ROBO2: variants seen among roughly 807,000 people sequenced by gnomAD.
The protein encoded by ROBO2 is roundabout homolog 2.
In ROBO2, 53 loss-of-function variants were observed where a neutral mutation model predicts 160.8. The observed-to-expected ratio is 0.33, with a 90% CI of 0.26 to 0.41. The LOEUF (loss-of-function observed/expected upper bound fraction) is 0.41, where lower values mean the gene tolerates loss of function less well. ROBO2 is among the 10% of genes least tolerant of loss of function. The pLI is 1.00. For missense variants in ROBO2, 1,577 were observed against 1,722.4 expected, an observed-to-expected ratio of 0.92 and a Z score of 1.49; for synonymous variants, 664 against 611.7, an observed-to-expected ratio of 1.09 and a Z score of -1.26.
intron 1 of ROBO2, among the ~76,000 whole-genome samples, chr3:77,078,432 G>A (rs988236500): frequency 1.3e-5 from 2 of 152,158 alleles, no homozygotes; most frequent in African/African-American, 2.4e-5. Flanking sequence ...AGGTTCGGGA[G>A]TTAGCAATTT....
intron 2 of ROBO2, among the ~76,000 whole-genome samples, chr3:76,284,187 A>G (rs1708391353): frequency 6.6e-6 from 1 of 152,070 alleles, no homozygotes; most frequent in Non-Finnish European, 1.5e-5. Context: ...AGAATAAGCT[A>G]GCGTACACAT....
intron 2 of ROBO2, among the ~76,000 whole-genome samples, chr3:76,076,999 G>T (rs942696646): frequency 1.3e-5 from 2 of 152,074 alleles, no homozygotes; most frequent in Non-Finnish European, 2.9e-5. Context: ...TTTAATTCGG[G>T]CTCTACTTCT....
chr3:77,180,414 C>CTATATA (rs1449905064), intron 2 of ROBO2, among the ~76,000 whole-genome samples: 5 of 92,762 alleles, frequency 5.4e-5, no homozygotes, highest in African/African-American at 1.8e-4. Context: ...CTCTCTCTCT[C>CTATATA]TCTATATATA....
intron 2 of ROBO2, among the ~76,000 whole-genome samples, chr3:77,111,495 T>G (rs2073572899): frequency 6.6e-6 from 1 of 152,348 alleles, no homozygotes; most frequent in East Asian, 1.9e-4. Context: ...ATTGATGAAT[T>G]CATATTTTGA....
intron 2 of ROBO2, among the ~76,000 whole-genome samples, chr3:77,460,039 A>C (rs2153570400): frequency 6.7e-6 from 1 of 148,366 alleles, no homozygotes; most frequent in Non-Finnish European, 1.5e-5. Context: ...TGCAGGAAGA[A>C]TTGACTGTAG....
intron 15 of ROBO2, 77 bp from the exon 17 acceptor site, chr3:77,579,870 T>C: frequency 7.6e-7 from 1 of 1,312,524 alleles, no homozygotes; most frequent in African/African-American, 1.4e-5. Context: ...TTAAAAAATA[T>C]TTGATCAGTT....
chr3:76,403,769 A>G (rs2077982565), intron 2 of ROBO2, among the ~76,000 whole-genome samples: 1 of 151,594 alleles, frequency 6.6e-6, no homozygotes, highest in African/African-American at 2.4e-5. Context: ...TGAGGCAGTG[A>G]CTTTTCCTTT....
chr3:77,633,251 A>C (rs1212996207), intron 23 of ROBO2: 1 of 152,232 alleles, frequency 6.6e-6, no homozygotes, highest in African/African-American at 2.4e-5. Context: ...AAGTTGAATA[A>C]AATAATGACT....
intron 10 of ROBO2, 55 bp downstream of exon 11, chr3:77,562,787 A>G: frequency 1.6e-6 from 2 of 1,225,064 alleles, no homozygotes; most frequent in Non-Finnish European, 1.2e-6. Context: ...ATAGCTCAAT[A>G]TCAAATAATA....
intron 2 of ROBO2, among the ~76,000 whole-genome samples, chr3:77,336,552 C>T (rs1445533964): frequency 6.6e-6 from 1 of 151,204 alleles, no homozygotes; most frequent in Non-Finnish European, 1.5e-5. Flanking sequence ...AAGGATGATC[C>T]TTTCAATAGT....
At chr3:77,359,058 C>T (rs1182626382) in intron 2 of ROBO2, among the ~76,000 whole-genome samples, 2 of 152,222 alleles carry the variant, frequency 1.3e-5, no homozygotes, top group East Asian at 3.8e-4. Flanking sequence ...ATGATTAGCT[C>T]TCTTTCTCAC....
intron 2 of ROBO2, among the ~76,000 whole-genome samples, chr3:76,517,611 A>G (rs538009281): frequency 1.5e-4 from 23 of 152,328 alleles, no homozygotes; most frequent in Admixed American, 6.5e-5. Context: ...TAAGTATGTT[A>G]TATCAATTAA....
intron 2 of ROBO2, among the ~76,000 whole-genome samples, chr3:76,158,668 ATTGAGCTGGC>A (rs1251203611): frequency 3.9e-5 from 6 of 152,094 alleles, no homozygotes; most frequent in African/African-American, 1.4e-4. Context: ...GCATTCACAT[ATTGAGCTGGC>A]TTAAGAGAAG....
At chr3:77,513,726 G>T (rs77621349) in intron 5 of ROBO2, among the ~76,000 whole-genome samples, 5,523 of 151,502 alleles carry the variant, frequency 0.036, 137 homozygotes, top group African/African-American at 0.073. Context: ...TCTTCCTTGA[G>T]AAAAAAACCC....
intron 2 of ROBO2, among the ~76,000 whole-genome samples, chr3:76,537,916 G>A (rs2082599675): frequency 6.6e-6 from 1 of 152,098 alleles, no homozygotes; most frequent in Non-Finnish European, 1.5e-5. Context: ...GAGACTCACT[G>A]TCCAGGAGAA....
chr3:76,919,182 G>GA (rs1293433417), intron 2 of ROBO2, among the ~76,000 whole-genome samples: 2 of 151,468 alleles, frequency 1.3e-5, no homozygotes, highest in Non-Finnish European at 2.9e-5. Context: ...ATGTACCCCG[G>GA]AACTTAAAAA....
At chr3:76,909,009 C>T (rs1299375455) in intron 2 of ROBO2, among the ~76,000 whole-genome samples, 1 of 152,096 alleles carries the variant, frequency 6.6e-6, no homozygotes, top group Non-Finnish European at 1.5e-5. Flanking sequence ...GGGAGAATTG[C>T]TTAAGGCCAG....
At position 76,841,308 on chromosome 3, in the gene ROBO2, C is replaced by T. The variant is rs2068236230; in HGVS notation, c.110-256706C>T. 2.6e-5 allele frequency among the ~76,000 whole-genome samples: 4 copies of T among 152,256 alleles called. No individual in the cohort carries two copies. The South Asian group carries it at 8.3e-4, about 32-fold the overall frequency. On this transcript the variant is annotated intron_variant, in intron 2 of 26. Transcript: ENST00000487694. ...GCTTCTGACTTCCATACATAGGTTT[C>T]TAGCTCTCCACGATTTCCTCTGTAT...
intron 2 of ROBO2, among the ~76,000 whole-genome samples, chr3:76,960,088 A>T (rs896694116): frequency 6.6e-6 from 1 of 150,798 alleles, no homozygotes; most frequent in Non-Finnish European, 1.5e-5. Context: ...GAAAAACAAA[A>T]TTAAACATGA....
Sources: gnomAD v4.1 joint callset for allele counts (sites outside exome capture counted in the v4.1 genomes callset) on GRCh38, gnomAD v4.1.1 for gene constraint, MANE v1.5 for transcripts, NCBI Gene and HGNC (gene_info 2026-07-23, HGNC 2026-07-21) for gene names.